The following TMEM132C variants were observed in gnomAD, a reference collection of about 807,000 sequenced individuals.
The protein encoded by TMEM132C is protein phosphatase 1, regulatory subunit 152.
In TMEM132C, 29 loss-of-function variants were observed where a neutral mutation model predicts 61.4. The observed-to-expected ratio is 0.47, with a 90% CI of 0.35 to 0.64. TMEM132C has a LOEUF of 0.64. Ranked by LOEUF, TMEM132C falls within the 30% of genes least tolerant of loss-of-function variation. TMEM132C has a pLI of 0.00. For synonymous variants in TMEM132C, 656 were observed against 633.1 expected (o/e 1.04, Z -0.54); for missense variants, 1,408 against 1,476.9 (o/e 0.95, Z 0.76).
At position 128,502,190 on chromosome 12, in the gene TMEM132C, A is replaced by G. The variant is rs187530046; in HGVS notation, c.975-41767A>G. Among the ~76,000 whole-genome samples, 51 of 152,334 alleles carry G rather than the reference A, an allele frequency of 3.3e-4. 2 individuals are homozygous for G. The East Asian group carries it at 9.3e-3, about 28-fold the overall frequency. On this transcript the variant is annotated intron_variant, in intron 2 of 8. Coordinates refer to ENST00000435159, the MANE Select transcript of TMEM132C (RefSeq NM_001136103.3). ...TGGGTCCACCCAAGTCATGCTTTGG[A>G]TGCAGAAGTGACAGAGGCTGCCCTG...
chr12:128,294,796 C>G (rs78495333), intron 1 of TMEM132C, among the ~76,000 whole-genome samples: 1 of 151,802 alleles, frequency 6.6e-6, no homozygotes, highest in African/African-American at 2.4e-5. Flanking sequence ...CATCACCTCC[C>G]AAAGGTACCA....
intron 5 of TMEM132C, among the ~76,000 whole-genome samples, chr12:128,685,223 T>A (rs1275646663): frequency 6.6e-6 from 1 of 152,288 alleles, no homozygotes; most frequent in African/African-American, 2.4e-5. Context: ...GGGGAAGCCA[T>A]GTAAAAGGCC....
rs891363005 is a variant in TMEM132C, at chr12:128,633,687, A to C, written c.1305+17352A>C. Among the ~76,000 whole-genome samples, 2 of 152,248 alleles carry C rather than the reference A, an allele frequency of 1.3e-5. 1 individual carries two copies. The highest frequency in any genetic ancestry group is 1.3e-4 in the Admixed American group (2 of 15,282). ...AGAATTAAATAGTAGTACCAAAAAG[A>C]GATGTTTGGGAAGAGTCTTTAATTC... On this transcript the variant is annotated intron_variant, in intron 4 of 8. Coordinates refer to ENST00000435159, the MANE Select transcript of TMEM132C (RefSeq NM_001136103.3).
chr12:128,572,351 T>A (rs1399889209), intron 3 of TMEM132C, among the ~76,000 whole-genome samples: 1 of 151,846 alleles, frequency 6.6e-6, no homozygotes, highest in African/African-American at 2.4e-5. Flanking sequence ...CTGGGTCACA[T>A]GACTACTTGT....
At chr12:128,700,319 C>T (rs1954794969) in intron 8 of TMEM132C, among the ~76,000 whole-genome samples, 1 of 152,172 alleles carries the variant, frequency 6.6e-6, no homozygotes, top group African/African-American at 2.4e-5. Context: ...TGGGGAAATG[C>T]GCTGGCTTCT....
intron 2 of TMEM132C, among the ~76,000 whole-genome samples, chr12:128,529,449 T>A (rs116141900): frequency 0.012 from 1,781 of 152,256 alleles, 33 homozygotes; most frequent in African/African-American, 0.041. Context: ...ACCAATTTCA[T>A]GAAAACGTGG....
At chr12:128,435,891 C>T (rs1199503364) in intron 2 of TMEM132C, among the ~76,000 whole-genome samples, 2 of 152,212 alleles carry the variant, frequency 1.3e-5, no homozygotes, top group African/African-American at 4.8e-5. Context: ...TACCTGACTT[C>T]AAACTATACT....
At chr12:128,369,118 T>G (rs147786799) in intron 1 of TMEM132C, among the ~76,000 whole-genome samples, 2 of 152,226 alleles carry the variant, frequency 1.3e-5, no homozygotes, top group African/African-American at 4.8e-5. Context: ...GTGACAAATA[T>G]GATAATGAGA....
chr12:128,316,113 T>A (rs1035922567), intron 1 of TMEM132C, among the ~76,000 whole-genome samples: 1 of 151,190 alleles, frequency 6.6e-6, no homozygotes, highest in African/African-American at 2.4e-5. Flanking sequence ...GAGAAAGGAG[T>A]ACTTTTGTAG....
At chr12:128,557,038 A>G (rs2136160149) in intron 3 of TMEM132C, among the ~76,000 whole-genome samples, 2 of 152,356 alleles carry the variant, frequency 1.3e-5, no homozygotes. Flanking sequence ...CTACTTGCCA[A>G]GCCCAACAGC....
chr12:128,692,081 A>G (rs568883607), intron 5 of TMEM132C, among the ~76,000 whole-genome samples: 3 of 148,914 alleles, frequency 2.0e-5, no homozygotes, highest in Admixed American at 6.6e-5. Flanking sequence ...CTGTCCATCC[A>G]TCCGTTCATG....
chr12:128,467,009 T>C (rs1210381100), intron 2 of TMEM132C, among the ~76,000 whole-genome samples: 9 of 151,994 alleles, frequency 5.9e-5, no homozygotes, highest in Non-Finnish European at 8.8e-5. Context: ...GATTTCAACA[T>C]GATAAGGAAG....
chr12:128,423,902 T>C (rs770125026), intron 2 of TMEM132C, among the ~76,000 whole-genome samples: 4 of 151,446 alleles, frequency 2.6e-5, no homozygotes, highest in Admixed American at 6.6e-5. Flanking sequence ...AAAAATTAGC[T>C]GGGCGTGGTG....
In TMEM132C at chr12:128,326,404, C is replaced by T. The variant is rs1872518522; in HGVS notation, c.85+58917C>T. ...CTGGAGAAAATTATAAAGATGAATA[C>T]TTCTGAGCCTTTGGCTGACGCTTAT... is the stretch of plus-strand genomic sequence containing the variant. On this transcript the variant is annotated intron_variant, in intron 1 of 8. Transcript: ENST00000435159. The surrounding 1 kb of genome is among the most constrained non-coding windows in gnomAD (Gnocchi z 5.6). Among the ~76,000 whole-genome samples the T allele has an allele frequency of 6.6e-6, 1 of 152,012 alleles. No homozygotes were observed. Among genetic ancestry groups the T allele is most frequent in the African/African-American group, 2.4e-5 (1 of 41,322 alleles).
intron 1 of TMEM132C, among the ~76,000 whole-genome samples, chr12:128,327,068 C>G (rs992848327): frequency 1.3e-5 from 2 of 150,038 alleles, no homozygotes; most frequent in African/African-American, 5.1e-5. Context: ...GAGTCAGTGT[C>G]ATATCACACC....
intron 4 of TMEM132C, among the ~76,000 whole-genome samples, chr12:128,663,717 G>C (rs1217330336): frequency 6.9e-6 from 1 of 145,692 alleles, no homozygotes. Flanking sequence ...GTGTGTGTAT[G>C]TGTGTGTGCT....
At chr12:128,602,861 C>T (rs1240948487) in intron 3 of TMEM132C, among the ~76,000 whole-genome samples, 1 of 152,232 alleles carries the variant, frequency 6.6e-6, no homozygotes, top group Non-Finnish European at 1.5e-5. Flanking sequence ...CCACATGCTG[C>T]CAGCAAAGTG....
intron 1 of TMEM132C, among the ~76,000 whole-genome samples, chr12:128,372,808 G>T (rs148289346): frequency 6.6e-6 from 1 of 151,684 alleles, no homozygotes. Context: ...AGGCTTTATC[G>T]TAACCAGAGT....
intron 3 of TMEM132C, among the ~76,000 whole-genome samples, chr12:128,583,984 CA>C (rs1345827877): frequency 2.0e-5 from 3 of 152,190 alleles, no homozygotes; most frequent in Non-Finnish European, 4.4e-5. Flanking sequence ...TTCTGCTCTT[CA>C]AGAGGCAAAA....
Sources: gnomAD v4.1 joint callset for allele counts (sites outside exome capture counted in the v4.1 genomes callset) on GRCh38, gnomAD v4.1.1 for gene constraint, Gnocchi (gnomAD v3.1) non-coding constraint, MANE v1.5 for transcripts, NCBI Gene and HGNC (gene_info 2026-07-23, HGNC 2026-07-21) for gene names.